The following KLHL1 variants were observed in gnomAD, a reference collection of about 807,000 sequenced individuals.
The protein encoded by KLHL1 is kelch-like protein 1.
Under a neutral mutation model 77.7 loss-of-function variants are expected in KLHL1, and 47 were observed. The observed-to-expected ratio is 0.60, with a 90% CI of 0.48 to 0.77. The LOEUF (loss-of-function observed/expected upper bound fraction) is 0.77. Among genes scored for constraint, KLHL1 ranks in the 30% least tolerant of loss-of-function variants. The pLI is 0.00. For missense variants in KLHL1, 925 were observed against 910.8 expected, an observed-to-expected ratio of 1.02 and a Z score of -0.20; for synonymous variants, 360 against 325.2, an observed-to-expected ratio of 1.11 and a Z score of -1.15.
intron 7 of KLHL1, among the ~76,000 whole-genome samples, chr13:69,751,942 C>T (rs1874505288): frequency 6.6e-6 from 1 of 151,124 alleles, no homozygotes. Context: ...TTACACTCCT[C>T]CCTCATCTAT....
At chr13:69,854,813 A>T (rs1300202000) in intron 5 of KLHL1, among the ~76,000 whole-genome samples, 1 of 152,066 alleles carries the variant, frequency 6.6e-6, no homozygotes, top group Non-Finnish European at 1.5e-5. Context: ...AAACACTGTT[A>T]TATGTGAAGG....
chr13:69,820,851 C>A (rs77749852), intron 6 of KLHL1, among the ~76,000 whole-genome samples: 6,169 of 152,278 alleles, frequency 0.041, 159 homozygotes, highest in Middle Eastern at 0.065. Flanking sequence ...ACAAATGTGA[C>A]GTTTGGCACT....
chr13:69,855,375 GATCTAT>G (rs1240665099), intron 5 of KLHL1, among the ~76,000 whole-genome samples: 74 of 150,604 alleles, frequency 4.9e-4, no homozygotes, highest in African/African-American at 7.1e-4. Context: ...TAGAGAGATA[GATCTAT>G]AGATAGAGAT....
chr13:69,870,869 G>A (rs561016009), intron 5 of KLHL1, among the ~76,000 whole-genome samples: 194 of 152,130 alleles, frequency 1.3e-3, no homozygotes, highest in African/African-American at 4.3e-3. Flanking sequence ...TCATGGTCTT[G>A]TGGTTTTGCT....
At chr13:70,014,459 A>G (rs1885608853) in intron 1 of KLHL1, among the ~76,000 whole-genome samples, 1 of 152,144 alleles carries the variant, frequency 6.6e-6, no homozygotes, top group African/African-American at 2.4e-5. Context: ...AAGTATTCCA[A>G]TAGCATTTAT....
chr13:69,860,648 CATTAT>C (rs1017097588), intron 5 of KLHL1, among the ~76,000 whole-genome samples: 4 of 151,504 alleles, frequency 2.6e-5, no homozygotes, highest in Non-Finnish European at 5.9e-5. Context: ...TTCCTCAAAA[CATTAT>C]ATTAAAATGA....
intron 1 of KLHL1, among the ~76,000 whole-genome samples, chr13:70,077,310 A>G (rs1366856206): frequency 6.6e-6 from 1 of 151,998 alleles, no homozygotes; most frequent in African/African-American, 2.4e-5. Context: ...TCTCAAAAAT[A>G]CATGGAGGAA....
intron 1 of KLHL1, among the ~76,000 whole-genome samples, chr13:70,079,843 A>G (rs1363735865): frequency 6.6e-6 from 1 of 152,148 alleles, no homozygotes; most frequent in Non-Finnish European, 1.5e-5. Context: ...CAGCATACTG[A>G]GCTTTAAGTC....
At chr13:69,783,222 G>A (rs1876325039) in intron 7 of KLHL1, among the ~76,000 whole-genome samples, 1 of 152,062 alleles carries the variant, frequency 6.6e-6, no homozygotes, top group African/African-American at 2.4e-5. Flanking sequence ...GACAAAGATG[G>A]GGAAAAAACA....
At chr13:70,089,129 G>A (rs996872328) in intron 1 of KLHL1, among the ~76,000 whole-genome samples, 1 of 152,094 alleles carries the variant, frequency 6.6e-6, no homozygotes, top group African/African-American at 2.4e-5. Flanking sequence ...AATGGGTGGG[G>A]GGTGGAATCT....
At position 70,107,547 on chromosome 13, in the gene KLHL1, G is replaced by A; in HGVS notation, c.153C>T (p.Pro51=). The change falls in exon 1 of 11, where the codon CCC becomes CCT. Residue 51 remains proline (P), a synonymous_variant. Transcript: ENST00000377844. ...DGSGSFEHWG[P]SQSRLLKSQE... is the part of the protein sequence containing the mutation. ...GGCTTTTGAGCAGGCGACTCTGGCT[G>A]GGTCCCCAGTGCTCAAAGCTGCCAC... 1 of 1,609,240 alleles carries A rather than the reference G, an allele frequency of 6.2e-7. No homozygotes were observed. The highest frequency in any genetic ancestry group is 8.5e-7 in the Non-Finnish European group (1 of 1,177,392).
At position 69,801,462 on chromosome 13, in the gene KLHL1, T is replaced by A. The variant is rs373622839; in HGVS notation, c.1415-4500A>T. 7.9e-5 allele frequency among the ~76,000 whole-genome samples: 12 copies of A among 152,352 alleles called. No individual in the cohort carries two copies. The East Asian group carries it at 2.3e-3, about 29-fold the overall frequency. On this transcript the variant is annotated intron_variant, in intron 6 of 10. Coordinates refer to ENST00000377844, the MANE Select transcript of KLHL1 (RefSeq NM_020866.3). Reference sequence around the variant, plus strand: ...TTGTTTTTTCTCTTAAACTCAAGACTGCTGCCATTACAAACATGTCAAGGT... The same window carrying A: ...TTGTTTTTTCTCTTAAACTCAAGACAGCTGCCATTACAAACATGTCAAGGT...
In KLHL1 at chr13:69,882,447, C is replaced by T; in HGVS notation, c.1063G>A (p.Ala355Thr). ...GCCAGTAGTTTATGGAGCTCCTCAGCTGGAAGGAGTAAAAACTCTTGATTT... is the reference window on the plus strand; with the variant it reads ...GCCAGTAGTTTATGGAGCTCCTCAGTTGGAAGGAGTAAAAACTCTTGATTT... ...IRNQEFLLLP[A>T]EELHKLLASD... Residue 355 changes from alanine to threonine, a missense_variant, in exon 5 of 11, where the codon GCT becomes ACT. By Grantham distance (58) the Ala-to-Thr change is moderately conservative. Transcript: ENST00000377844. The T allele has an allele frequency of 1.2e-6, 2 of 1,613,962 alleles. No individual in the cohort carries two copies. The highest frequency in any genetic ancestry group is 1.7e-6 in the Non-Finnish European group (2 of 1,179,858).
Position 69,830,188 on chromosome 13 carries a change from G to A in KLHL1, c.1414+8788C>T, listed in dbSNP as rs113224076. Reference sequence around the variant, plus strand: ...ATAATAATTCACCAACCAAGTATCTGCTATCTTCAAGAGACTCACTTAATA... The same window carrying A: ...ATAATAATTCACCAACCAAGTATCTACTATCTTCAAGAGACTCACTTAATA... On this transcript the variant is annotated intron_variant, in intron 6 of 10. Coordinates refer to ENST00000377844, the MANE Select transcript of KLHL1 (RefSeq NM_020866.3). Among the ~76,000 whole-genome samples the A allele has an allele frequency of 6.7e-3, 1,003 of 150,300 alleles. 32 individuals carry two copies. The highest frequency in any genetic ancestry group is 0.011 in the Non-Finnish European group (743 of 67,768).
intron 1 of KLHL1, among the ~76,000 whole-genome samples, chr13:70,091,797 G>A (rs1295001461): frequency 6.6e-6 from 1 of 152,162 alleles, no homozygotes; most frequent in Non-Finnish European, 1.5e-5. Flanking sequence ...CTCTGTAGGT[G>A]CCGCCTAAAC....
At position 69,780,721 on chromosome 13, in the gene KLHL1, T is replaced by TATATAC. The variant is rs1555267672; in HGVS notation, c.1639+16016_1639+16017insGTATAT. On this transcript the variant is annotated intron_variant, in intron 7 of 10. Transcript: ENST00000377844. ...ATATATGTATATATATATATGTATA[T>TATATAC]ATATATATATACATATATATATACA... is the stretch of plus-strand genomic sequence containing the variant. Among the ~76,000 whole-genome samples, 415 of 62,868 alleles carry TATATAC rather than the reference T, an allele frequency of 6.6e-3. 18 individuals are homozygous for TATATAC. The highest frequency in any genetic ancestry group is 0.024 in the Middle Eastern group (3 of 126). 41.2% of individuals were successfully genotyped at this position (62,868 alleles called of 152,430 possible).
intron 5 of KLHL1, among the ~76,000 whole-genome samples, chr13:69,847,833 C>T (rs1189564727): frequency 1.3e-5 from 2 of 151,428 alleles, no homozygotes; most frequent in Non-Finnish European, 3.0e-5. Flanking sequence ...CATAGCTTGC[C>T]TTTCAAGTTT....
chr13:69,873,357 CA>C (rs951449662), intron 5 of KLHL1, among the ~76,000 whole-genome samples: 6 of 152,076 alleles, frequency 3.9e-5, no homozygotes, highest in African/African-American at 7.2e-5. Flanking sequence ...GTAACATATT[CA>C]AAAAATATTT....
chr13:69,850,880 G>A (rs754553249), intron 5 of KLHL1, among the ~76,000 whole-genome samples: 18 of 151,502 alleles, frequency 1.2e-4, no homozygotes, highest in Non-Finnish European at 2.4e-4. Context: ...AACAATTTTC[G>A]CACTTTGTCT....
Sources: gnomAD v4.1 joint callset for allele counts (sites outside exome capture counted in the v4.1 genomes callset) on GRCh38, gnomAD v4.1.1 for gene constraint, MANE v1.5 for transcripts, NCBI Gene and HGNC (gene_info 2026-07-23, HGNC 2026-07-21) for gene names.